The following DIAPH2 variants were observed in gnomAD, a reference collection of about 807,000 sequenced individuals.
DIAPH2 encodes the protein protein diaphanous homolog 2.
A neutral mutation model predicts 92.7 loss-of-function variants in DIAPH2; 35 were observed. The ratio of observed to expected loss-of-function variants is 0.38; its 90% CI spans 0.29 to 0.50. The LOEUF (loss-of-function observed/expected upper bound fraction) is 0.50. Among genes scored for constraint, DIAPH2 ranks in the 20% least tolerant of loss-of-function variants. The pLI is 0.94. For missense variants in DIAPH2, 701 were observed against 819.5 expected (o/e 0.86, Z 1.77); for synonymous variants, 301 against 280.4 (o/e 1.07, Z -0.73).
intron 4 of DIAPH2, among the ~76,000 whole-genome samples, chrX:96,789,180 T>C (rs2064481316): frequency 8.9e-6 from 1 of 111,836 alleles, no homozygotes; most frequent in Non-Finnish European, 1.9e-5. Flanking sequence ...AGGGGTCACA[T>C]AGAACACTCT....
intron 17 of DIAPH2, among the ~76,000 whole-genome samples, chrX:97,022,356 A>C (rs1324319368): frequency 8.9e-6 from 1 of 111,859 alleles, no homozygotes; most frequent in Non-Finnish European, 1.9e-5. Flanking sequence ...CTTTGTTTGG[A>C]AGATGGCGTG....
chrX:97,317,935 A>G (rs1315916513), intron 23 of DIAPH2, among the ~76,000 whole-genome samples: 3 of 112,150 alleles, frequency 2.7e-5, no homozygotes, highest in Non-Finnish European at 5.6e-5. Context: ...TAGTGTATCC[A>G]TCACCTGTGC....
Position 97,037,830 on chromosome X carries a change from G to A in DIAPH2, c.2051-35111G>A, listed in dbSNP as rs138194635. ...TTTATTGGCTCTATAAAACTCCCTT[G>A]TAAGAATATACTATGATTTATTATC... is the stretch of plus-strand genomic sequence containing the variant. On this transcript the variant is annotated intron_variant, in intron 17 of 26. Coordinates refer to ENST00000324765, the MANE Select transcript of DIAPH2 (RefSeq NM_006729.5). Among the ~76,000 whole-genome samples the A allele has an allele frequency of 8.5e-3, 950 of 111,353 alleles. 9 individuals carry two copies. Among genetic ancestry groups the A allele is most frequent in the African/African-American group, 0.029 (885 of 30,692 alleles).
At chrX:96,691,664 T>A (rs1013971845) in intron 1 of DIAPH2, among the ~76,000 whole-genome samples, 1 of 112,291 alleles carries the variant, frequency 8.9e-6, no homozygotes, top group Non-Finnish European at 1.9e-5. Context: ...TTCTTACTTA[T>A]CACCATTTGC....
intron 26 of DIAPH2, among the ~76,000 whole-genome samples, chrX:97,545,254 G>A (rs2071171291): frequency 9.0e-6 from 1 of 110,591 alleles, no homozygotes; most frequent in Non-Finnish European, 1.9e-5. Context: ...CAAATCCAAA[G>A]CTATTTCTCC....
At chrX:97,171,801 G>A (rs1273160048) in intron 22 of DIAPH2, among the ~76,000 whole-genome samples, 1 of 110,654 alleles carries the variant, frequency 9.0e-6, no homozygotes, top group Admixed American at 9.6e-5. Context: ...TCAGCCAGGC[G>A]TTGGGGCGGG....
chrX:96,917,191 G>T (rs1381355843), intron 8 of DIAPH2, among the ~76,000 whole-genome samples: 2 of 111,364 alleles, frequency 1.8e-5, no homozygotes, highest in African/African-American at 6.5e-5. Context: ...AGTCTAGTTT[G>T]TAATGAACCC....
intron 21 of DIAPH2, among the ~76,000 whole-genome samples, chrX:97,131,842 A>G (rs1244318359): frequency 3.6e-5 from 4 of 112,437 alleles, no homozygotes; most frequent in African/African-American, 9.7e-5. Context: ...TTGCATAGAT[A>G]TATTTCATTA....
At chrX:96,784,812 A>G (rs1312186075) in intron 4 of DIAPH2, among the ~76,000 whole-genome samples, 4 of 112,185 alleles carry the variant, frequency 3.6e-5, no homozygotes, top group African/African-American at 1.3e-4. Context: ...GTAGTAAATC[A>G]TCAATGCAGA....
intron 1 of DIAPH2, among the ~76,000 whole-genome samples, chrX:96,693,358 G>C (rs994896616): frequency 1.2e-4 from 13 of 112,013 alleles, no homozygotes; most frequent in Non-Finnish European, 2.1e-4. Flanking sequence ...CTTTTGTTTG[G>C]CCCGGGAGGG....
At chrX:97,551,914 A>G (rs2071222725) in intron 26 of DIAPH2, among the ~76,000 whole-genome samples, 1 of 111,648 alleles carries the variant, frequency 9.0e-6, no homozygotes, top group African/African-American at 3.3e-5. Flanking sequence ...AAATTAGTCA[A>G]CTGTTCCACA....
At chrX:96,801,480 G>A (rs2064581951) in intron 4 of DIAPH2, among the ~76,000 whole-genome samples, 1 of 111,671 alleles carries the variant, frequency 9.0e-6, no homozygotes, top group East Asian at 2.8e-4. Flanking sequence ...AGATAATTAA[G>A]ATTGTATTTT....
chrX:97,246,413 TA>T (rs2068143093), intron 22 of DIAPH2, among the ~76,000 whole-genome samples: 1 of 112,371 alleles, frequency 8.9e-6, no homozygotes, highest in Non-Finnish European at 1.9e-5. Context: ...TCTTCTGCAA[TA>T]AAGAATAATT....
chrX:97,380,209 A>G (rs2069539753), intron 24 of DIAPH2, among the ~76,000 whole-genome samples: 1 of 111,370 alleles, frequency 9.0e-6, no homozygotes, highest in African/African-American at 3.3e-5. Context: ...ATATGCCAGT[A>G]AAACTGAGAC....
intron 23 of DIAPH2, among the ~76,000 whole-genome samples, chrX:97,330,839 G>A (rs1177803694): frequency 9.1e-6 from 1 of 110,396 alleles, no homozygotes; most frequent in African/African-American, 3.3e-5. Context: ...TTTAAAGACT[G>A]AATAATATTC....
chrX:96,935,090 A>G (rs921161963), intron 10 of DIAPH2, among the ~76,000 whole-genome samples: 1 of 111,702 alleles, frequency 9.0e-6, no homozygotes, highest in Non-Finnish European at 1.9e-5. Context: ...TCTATACCGC[A>G]TGTCTTTTTA....
chrX:97,548,714 A>T (rs904926647), intron 26 of DIAPH2, among the ~76,000 whole-genome samples: 2 of 112,298 alleles, frequency 1.8e-5, no homozygotes, highest in Admixed American at 1.9e-4. Context: ...GTGCAAAGTG[A>T]TACCTTAAAA....
intron 23 of DIAPH2, among the ~76,000 whole-genome samples, chrX:97,308,994 G>A (rs1009397671): frequency 9.3e-6 from 1 of 107,771 alleles, no homozygotes; most frequent in African/African-American, 3.3e-5. Flanking sequence ...CTCCAGCCTG[G>A]GGAACAAGAG....
intron 22 of DIAPH2, among the ~76,000 whole-genome samples, chrX:97,145,304 AGTAGTAGTAGTAGTAGTAGTG>A (rs1219724507): frequency 9.5e-6 from 1 of 105,490 alleles, no homozygotes; most frequent in East Asian, 3.0e-4. Flanking sequence ...TAGTAGTAGT[AGTAGTAGTAGTAGTAGTAGTG>A]GTAGTAGTAG....
Sources: gnomAD v4.1 joint callset for allele counts (sites outside exome capture counted in the v4.1 genomes callset) on GRCh38, gnomAD v4.1.1 for gene constraint, MANE v1.5 for transcripts, NCBI Gene and HGNC (gene_info 2026-07-23, HGNC 2026-07-21) for gene names.